The following UNK variants were observed in gnomAD, a reference collection of about 807,000 sequenced individuals.
UNK encodes the protein RING finger protein unkempt homolog.
UNK carries 32 observed loss-of-function variants against 97.6 expected under a neutral mutation model. The ratio of observed to expected loss-of-function variants is 0.33; its 90% confidence interval spans 0.25 to 0.44. The LOEUF (loss-of-function observed/expected upper bound fraction) is 0.44, where lower values mean the gene tolerates loss of function less well. Ranked by LOEUF, UNK falls within the 20% of genes least tolerant of loss-of-function variation. The pLI is 1.00. For synonymous variants in UNK, 441 were observed against 461.2 expected, an observed-to-expected ratio of 0.96 and a Z score of 0.56; for missense variants, 771 against 1,098.4, an observed-to-expected ratio of 0.70 and a Z score of 4.21.
intron 5 of UNK, 143 bp downstream of exon 5, chr17:75,813,356 G>A: frequency 1.7e-6 from 2 of 1,205,070 alleles, no homozygotes; most frequent in South Asian, 1.6e-5. Flanking sequence ...CCCAGGGGAG[G>A]GCATAGTGAG....
chr17:75,800,007 C>A (rs1229110916), intron 1 of UNK, among the ~76,000 whole-genome samples: 1 of 151,968 alleles, frequency 6.6e-6, no homozygotes, highest in African/African-American at 2.4e-5. Context: ...CAGAGGTCAG[C>A]AAACCGGCTT....
intron 1 of UNK, among the ~76,000 whole-genome samples, chr17:75,787,845 C>G (rs927550216): frequency 4.7e-5 from 7 of 150,464 alleles, no homozygotes; most frequent in African/African-American, 1.7e-4. Context: ...AAAAGAGAGA[C>G]GTGATCTCTC....
At chr17:75,806,509 C>A (rs1175447250) in intron 1 of UNK, among the ~76,000 whole-genome samples, 1 of 149,820 alleles carries the variant, frequency 6.7e-6, no homozygotes, top group African/African-American at 2.5e-5. Context: ...CGCGGTGGCT[C>A]ACGCCTGTAA....
In UNK at chr17:75,809,988, C is replaced by T. The variant is rs759799795; in HGVS notation, c.314+19C>T. On this transcript the variant is annotated intron_variant, in intron 2 of 15. Coordinates refer to ENST00000589666, the MANE Select transcript of UNK (RefSeq NM_001080419.3). ...GCGACGAGTGAGTGACCCAGCCTGT[C>T]CTCAGAGGAGCCCCGTGTCTCCTTC... The T allele has an allele frequency of 6.2e-7, 1 of 1,612,414 alleles. No individual in the cohort carries two copies. The highest frequency in any genetic ancestry group is 8.5e-7 in the Non-Finnish European group (1 of 1,179,120).
chr17:75,821,802 G>A (rs1340111832), intron 13 of UNK: 26 of 445,304 alleles, frequency 5.8e-5, no homozygotes, highest in African/African-American at 6.0e-5. Context: ...TCTGTTGAGC[G>A]AGTGAGCAGA....
intron 7 of UNK, among the ~76,000 whole-genome samples, chr17:75,815,985 G>A (rs1380093289): frequency 1.3e-5 from 2 of 151,824 alleles, no homozygotes; most frequent in Non-Finnish European, 2.9e-5. Context: ...CAACATAAAA[G>A]GTTATTTCAA....
chr17:75,818,676 T>C lies in UNK; in HGVS notation c.1406T>C (p.Leu469Pro), dbSNP rs2062038627. The C allele has an allele frequency of 1.2e-6, 2 of 1,608,920 alleles. No homozygotes were observed. The highest frequency in any genetic ancestry group is 1.3e-5 in the African/African-American group (1 of 74,750). ...MLGILPAGSP[L>P]TSSISSSITS... ...GGCATCCTCCCCGCAGGCAGCCCCC[T>C]GACCTCAAGCATCTCTTCTAGTATC... Residue 469 changes from leucine to proline, a missense_variant, in exon 11 of 16, where the codon CTG becomes CCG. Leu to Pro is a moderately conservative substitution (Grantham distance 98). This residue lies in a region of UNK where 192 missense variants were observed against 202.4 expected (regional missense o/e 0.95). Transcript: ENST00000589666. This position sits in a 1 kb window ranked among gnomAD's most constrained non-coding sequence, Gnocchi z 5.1.
At chr17:75,815,518 G>A (rs1365185748) in intron 7 of UNK, among the ~76,000 whole-genome samples, 2 of 152,208 alleles carry the variant, frequency 1.3e-5, no homozygotes, top group Non-Finnish European at 2.9e-5. Context: ...AGGGAGGGTT[G>A]AGGCACTGTG....
In UNK at chr17:75,823,324, C is replaced by T. The variant is rs539286574; in HGVS notation, c.2079C>T (p.Gly693=). Residue 693 remains glycine (G), a synonymous_variant, in exon 15 of 16, where the codon GGC becomes GGT. Coordinates refer to ENST00000589666, the MANE Select transcript of UNK (RefSeq NM_001080419.3). ...CTGGTGAGCGGGCCAGTGCGGCGGG[C>T]GCCGAGTGCGAGCTGGCCCGGGAGC... ...EEAGERASAA[G]AECELAREQR... 79 of 1,609,984 alleles carry T rather than the reference C, an allele frequency of 4.9e-5. No individual in the cohort carries two copies. The East Asian group carries it at 9.8e-4, about 20-fold the overall frequency.
Position 75,819,342 on chromosome 17 carries a change from C to T in UNK, c.1547-342C>T, listed in dbSNP as rs1599389129. Reference sequence around the variant, plus strand: ...ACCAGCCACTGAGTGCCCAGAGACCCGCCCACCCCCACTGATCCCGGGGCT... The same window carrying T: ...ACCAGCCACTGAGTGCCCAGAGACCTGCCCACCCCCACTGATCCCGGGGCT... On this transcript the variant is annotated intron_variant, in intron 11 of 15. Transcript: ENST00000589666. The surrounding 1 kb of genome is among the most constrained non-coding windows in gnomAD (Gnocchi z 5.4). 3 of 353,938 alleles carry T rather than the reference C, an allele frequency of 8.5e-6. No individual in the cohort carries two copies. Among genetic ancestry groups the T allele is most frequent in the East Asian group, 6.7e-5 (1 of 15,020 alleles). 21.9% of individuals were successfully genotyped at this position (353,938 alleles called of 1,614,324 possible).
At chr17:75,790,836 C>T (rs970410619) in intron 1 of UNK, among the ~76,000 whole-genome samples, 4 of 151,792 alleles carry the variant, frequency 2.6e-5, no homozygotes, top group Non-Finnish European at 4.4e-5. Flanking sequence ...GAGGCTGAGA[C>T]AGGAGAATCG....
At position 75,817,209 on chromosome 17, in the gene UNK, G is replaced by T; in HGVS notation, c.1105-117G>T. ...CCCCGAGTGGTCACTGCTGCTCGTT[G>T]GCAGATGAAAGTGGAACTGAGCCCC... On this transcript the variant is annotated intron_variant, in intron 8 of 15. Coordinates refer to ENST00000589666, the MANE Select transcript of UNK (RefSeq NM_001080419.3). This position sits in a 1 kb window ranked among gnomAD's most constrained non-coding sequence, Gnocchi z 5.8. 1 of 1,217,364 alleles carries T rather than the reference G, an allele frequency of 8.2e-7. No individual in the cohort carries two copies. The highest frequency in any genetic ancestry group is 1.1e-6 in the Non-Finnish European group (1 of 883,530). 75.4% of individuals were successfully genotyped at this position (1,217,364 alleles called of 1,614,324 possible).
At chr17:75,800,349 G>A (rs912734164) in intron 1 of UNK, among the ~76,000 whole-genome samples, 1 of 151,958 alleles carries the variant, frequency 6.6e-6, no homozygotes, top group African/African-American at 2.4e-5. Flanking sequence ...GGGATTACAG[G>A]CATGAGCCAC....
At position 75,793,242 on chromosome 17, in the gene UNK, G is replaced by C. The variant is rs548208047; in HGVS notation, c.104+8258G>C. 1.3e-4 allele frequency among the ~76,000 whole-genome samples: 20 copies of C among 152,242 alleles called. No individual in the cohort carries two copies. In the South Asian group the frequency reaches 3.5e-3, roughly 27 times the overall value. On this transcript the variant is annotated intron_variant, in intron 1 of 15. Coordinates refer to ENST00000589666, the MANE Select transcript of UNK (RefSeq NM_001080419.3). The stretch of plus-strand genomic sequence containing the variant: ...AGGTGGAAGAGAAGTTTGCTGTCCT[G>C]CTAAAATGTAATAGAGTCCATTCTT...
chr17:75,818,497 G>T lies in UNK; in HGVS notation c.1372-145G>T, dbSNP rs1257312428. On this transcript the variant is annotated intron_variant, in intron 10 of 15. Transcript: ENST00000589666. The surrounding 1 kb of genome is among the most constrained non-coding windows in gnomAD (Gnocchi z 5.1). ...CCATGCTCTCAACAAGGTGTCGGGT[G>T]TGCCGGGGCCCATGTGGGCATGGGG... is the stretch of plus-strand genomic sequence containing the variant. The T allele has an allele frequency of 2.1e-6, 2 of 947,850 alleles. No homozygotes were observed. Among genetic ancestry groups the T allele is most frequent in the Non-Finnish European group, 3.1e-6 (2 of 654,566 alleles). 58.7% of individuals were successfully genotyped at this position (947,850 alleles called of 1,614,324 possible).
intron 1 of UNK, among the ~76,000 whole-genome samples, chr17:75,799,161 A>C (rs1235281763): frequency 2.0e-5 from 3 of 151,714 alleles, no homozygotes; most frequent in Non-Finnish European, 4.4e-5. Flanking sequence ...AAAATACAAA[A>C]ATTAGCTGGG....
rs141530229 is a variant in UNK, at chr17:75,821,721, G to C, written c.1838-756G>C. On this transcript the variant is annotated intron_variant, in intron 13 of 15. Transcript: ENST00000589666. ...TATGGGCAGAGTGAGGCCAGAGGTG[G>C]ATATGGGTCCTTCTCGGAAGCCCGG... The C allele has an allele frequency of 3.8e-4, 173 of 456,652 alleles. No individual in the cohort carries two copies. In the Middle Eastern group the frequency reaches 7.8e-3, roughly 21 times the overall value. 28.3% of individuals were successfully genotyped at this position (456,652 alleles called of 1,614,324 possible). A position where few individuals can be genotyped will look rare whatever the true frequency, so the allele number is the denominator to read the frequency against.
At chr17:75,800,113 G>A (rs1231215098) in intron 1 of UNK, among the ~76,000 whole-genome samples, 1 of 152,114 alleles carries the variant, frequency 6.6e-6, no homozygotes, top group Non-Finnish European at 1.5e-5. Context: ...CTATCCTCCT[G>A]GCTGGAGTGC....
At chr17:75,798,361 G>T (rs939048259) in intron 1 of UNK, among the ~76,000 whole-genome samples, 1 of 151,968 alleles carries the variant, frequency 6.6e-6, no homozygotes, top group African/African-American at 2.4e-5. Context: ...GAGCCACCAC[G>T]CCTGGCCTAA....
Sources: gnomAD v4.1 joint callset for allele counts (sites outside exome capture counted in the v4.1 genomes callset) on GRCh38, gnomAD v4.1.1 for gene constraint, gnomAD v4.1.1 regional missense constraint, Gnocchi (gnomAD v3.1) non-coding constraint, MANE v1.5 for transcripts, NCBI Gene and HGNC (gene_info 2026-07-23, HGNC 2026-07-21) for gene names.